The following ABCA1 variants were observed in gnomAD, a reference collection of about 807,000 sequenced individuals.
ABCA1 encodes the protein ATP binding cassette subfamily A member 1, also known as phospholipid-transporting ATPase ABCA1.
ABCA1 carries 133 observed loss-of-function variants against 262.5 expected under a neutral mutation model. The observed-to-expected ratio is 0.51, with a 90% CI of 0.44 to 0.59. ABCA1 has a LOEUF of 0.59. ABCA1 is among the 20% of genes least tolerant of loss of function. The probability of loss-of-function intolerance (pLI) is 0.00; values close to 1 mark genes in which losing one functional copy is unlikely to be tolerated. For missense variants in ABCA1, 2,452 were observed against 2,777.5 expected (o/e 0.88, Z 2.63); for synonymous variants, 1,022 against 1,043.5 (o/e 0.98, Z 0.40).
chr9:104,922,207 A>G (rs78880933), intron 1 of ABCA1, among the ~76,000 whole-genome samples: 3,096 of 152,308 alleles, frequency 0.02, 96 homozygotes, highest in African/African-American at 0.07. Flanking sequence ...TGAAGGCCCC[A>G]CCGGAAATCA....
chr9:104,829,065 T>A lies in ABCA1; in HGVS notation c.1966A>T (p.Ile656Phe). The A allele has an allele frequency of 6.2e-7, 1 of 1,614,184 alleles. No individual in the cohort carries two copies. Among genetic ancestry groups the A allele is most frequent in the Non-Finnish European group, 8.5e-7 (1 of 1,180,038 alleles). ...LAWIYSVAVI[I>F]KGIVYEKEAR... ...TCCTTCTCATACACGATGCCCTTGA[T>A]GATCACAGCCACTGAGTAAATCCAG... is the stretch of plus-strand genomic sequence containing the variant. Residue 656 changes from isoleucine (I) to phenylalanine (F), a missense_variant, in exon 15 of 50, where the codon ATC becomes TTC. By Grantham distance (21) the Ile-to-Phe change is conservative (BLOSUM62 0). Coordinates refer to ENST00000374736, the MANE Select transcript of ABCA1 (RefSeq NM_005502.4).
In ABCA1 at chr9:104,796,147, G is replaced by C; in HGVS notation, c.5288C>G (p.Pro1763Arg). Reference protein sequence around the residue: ...MYPASFVFKIPSTAYVVLTSV... With the variant: ...MYPASFVFKIRSTAYVVLTSV... ...GGTGAGCACCACATAGGCTGTGCTGGGGATCTTGAACACAAAGGAGGCTGG... is the reference window on the plus strand; with the variant it reads ...GGTGAGCACCACATAGGCTGTGCTGCGGATCTTGAACACAAAGGAGGCTGG... Residue 1763 changes from proline to arginine, a missense_variant, in exon 39 of 50, where the codon CCC becomes CGC. Around this residue, in one of 4 missense-constraint regions of ABCA1, gnomAD observed 752 missense variants for 944.5 expected, o/e 0.80. Coordinates refer to ENST00000374736, the MANE Select transcript of ABCA1 (RefSeq NM_005502.4). 1 of 1,614,054 alleles carries C rather than the reference G, an allele frequency of 6.2e-7. No individual in the cohort carries two copies. Among genetic ancestry groups the C allele is most frequent in the Non-Finnish European group, 8.5e-7 (1 of 1,180,026 alleles).
At chr9:104,927,090 A>G (rs773820062) in intron 1 of ABCA1, among the ~76,000 whole-genome samples, 22 of 151,994 alleles carry the variant, frequency 1.4e-4, no homozygotes, top group Non-Finnish European at 3.1e-4. Flanking sequence ...CGCGCCTGTA[A>G]TCCCAGCTAC....
chr9:104,886,706 G>A (rs974267240), intron 3 of ABCA1, among the ~76,000 whole-genome samples: 7 of 152,304 alleles, frequency 4.6e-5, no homozygotes, highest in Non-Finnish European at 7.3e-5. Flanking sequence ...TTCCTTGTAC[G>A]TTGTGCCCCA....
At chr9:104,855,489 G>C in intron 7 of ABCA1, 1 of 551,920 alleles carries the variant, frequency 1.8e-6, no homozygotes, top group Non-Finnish European at 2.9e-6. Context: ...ACAGATGTGA[G>C]CCACTGTGCC....
intron 3 of ABCA1, among the ~76,000 whole-genome samples, 164 bp downstream of exon 3, chr9:104,888,938 A>AGTTC: frequency 6.6e-6 from 1 of 152,346 alleles, no homozygotes; most frequent in East Asian, 1.9e-4. Flanking sequence ...CAGTCTCCTG[A>AGTTC]GTTCATGCCT....
rs1829898511 is a variant in ABCA1 at position 104,796,353 on chromosome 9, G to A, written c.5193C>T (p.Ser1731=). Residue 1731 remains serine, a synonymous_variant, in exon 38 of 50, where the codon TCC becomes TCT. Transcript: ENST00000374736. The stretch of plus-strand genomic sequence containing the variant: ...GGGCTAGCACAGGCAGATTGGTGGA[G>A]GACACATAGGACTTCTGCTGGAAGC... ...FICFQQKSYV[S]STNLPVLALL... 1.2e-6 allele frequency: 2 copies of A among 1,614,194 alleles called. No homozygotes were observed. The highest frequency in any genetic ancestry group is 1.7e-6 in the Non-Finnish European group (2 of 1,180,020).
intron 46 of ABCA1, chr9:104,787,707 G>A (rs1829048888): frequency 3.2e-6 from 1 of 313,276 alleles, no homozygotes. Flanking sequence ...CAAAGTGCTT[G>A]GAGTGCCTCT....
At chr9:104,785,216 A>G (rs537981544) in intron 49 of ABCA1, among the ~76,000 whole-genome samples, 180 bp downstream of exon 49, 1 of 152,330 alleles carries the variant, frequency 6.6e-6, no homozygotes, top group East Asian at 1.9e-4. Flanking sequence ...TATAGAGTAC[A>G]TAGGCATCAT....
intron 32 of ABCA1, 54 bp from the exon 33 acceptor site, chr9:104,803,370 C>G: frequency 6.5e-7 from 1 of 1,548,200 alleles, no homozygotes; most frequent in Non-Finnish European, 8.9e-7. Context: ...GAGCCTATTC[C>G]TAATGATGCA....
In ABCA1 at chr9:104,818,875, T is replaced by A; in HGVS notation, c.3250A>T (p.Ile1084Phe). 1.9e-6 allele frequency: 3 copies of A among 1,612,748 alleles called. No homozygotes were observed. The highest frequency in any genetic ancestry group is 2.5e-6 in the Non-Finnish European group (3 of 1,179,612). ...LLLKYRQGRT[I>F]ILSTHHMDEA... ...TCCATGTGGTGTGTAGAGAGAATAA[T>A]GGTGCGGCCTGCCAGGCACAAACAC... is the stretch of plus-strand genomic sequence containing the variant. The change falls in exon 23 of 50, where the codon ATT becomes TTT. Residue 1084 changes from isoleucine (I) to phenylalanine (F), a missense_variant. Physicochemically the swap from Ile to Phe is conservative, Grantham distance 21 (BLOSUM62 0). Transcript: ENST00000374736.
intron 4 of ABCA1, among the ~76,000 whole-genome samples, chr9:104,883,557 TA>T (rs1282073128): frequency 3.3e-5 from 5 of 152,228 alleles, no homozygotes; most frequent in Non-Finnish European, 7.3e-5. Flanking sequence ...AAAGCAGAAT[TA>T]AAAGTTAATA....
intron 8 of ABCA1, among the ~76,000 whole-genome samples, chr9:104,842,094 T>A (rs950027608): frequency 2.6e-5 from 4 of 152,140 alleles, no homozygotes; most frequent in African/African-American, 9.7e-5. Flanking sequence ...GTGAGTGGCG[T>A]GGTCCAGCAC....
chr9:104,792,719 T>C (rs1829533552), intron 42 of ABCA1, 67 bp downstream of exon 42: 2 of 1,610,554 alleles, frequency 1.2e-6, no homozygotes, highest in Non-Finnish European at 8.5e-7. Context: ...GTCAGCAAAC[T>C]GCTGGGTTAC....
At chr9:104,888,287 A>T (rs1839390278) in intron 3 of ABCA1, among the ~76,000 whole-genome samples, 1 of 152,102 alleles carries the variant, frequency 6.6e-6, no homozygotes, top group African/African-American at 2.4e-5. Context: ...GTGGTAGGAA[A>T]AATCACTAGG....
rs1462575538 is a variant in ABCA1, at chr9:104,821,464, G to A, written c.2871C>T (p.Ala957=). 3 of 1,613,960 alleles carry A rather than the reference G, an allele frequency of 1.9e-6. No individual in the cohort carries two copies. In the African/African-American group the frequency reaches 4.0e-5, roughly 22 times the overall value. Reference sequence around the variant, plus strand: ...AGCGAATGTCTTTTCCCAGGATGTAGGCGGTGCCCGAGGTCGGGGGGAACA... The same window carrying A: ...AGCGAATGTCTTTTCCCAGGATGTAAGCGGTGCCCGAGGTCGGGGGGAACA... The part of the protein sequence containing the change: ...TGLFPPTSGT[A]YILGKDIRSE... Residue 957 remains alanine, a synonymous_variant, in exon 20 of 50, where the codon GCC becomes GCT. Coordinates refer to ENST00000374736, the MANE Select transcript of ABCA1 (RefSeq NM_005502.4).
rs527697950 is a variant in ABCA1, at chr9:104,879,793, T to C, written c.421+3246A>G. Among the ~76,000 whole-genome samples, 9 of 152,156 alleles carry C rather than the reference T, an allele frequency of 5.9e-5. No homozygotes were observed. The East Asian group carries it at 1.7e-3, about 29-fold the overall frequency. On this transcript the variant is annotated intron_variant, in intron 5 of 49. Coordinates refer to ENST00000374736, the MANE Select transcript of ABCA1 (RefSeq NM_005502.4). ...GCACTCAGAACAAGGGAGGCAAAAA[T>C]CCCTTCCTCCTCTGTGCCAGAATAC...
At chr9:104,789,932 GA>G (rs1460011869) in intron 44 of ABCA1, among the ~76,000 whole-genome samples, 1 of 151,904 alleles carries the variant, frequency 6.6e-6, no homozygotes, top group Non-Finnish European at 1.5e-5. Context: ...CATCTCTACT[GA>G]AAATACAAAA....
intron 7 of ABCA1, chr9:104,855,802 C>T: frequency 6.3e-7 from 1 of 1,586,514 alleles, no homozygotes; most frequent in East Asian, 2.3e-5. Flanking sequence ...CATACTTTCC[C>T]CATGTTGCCA....
Sources: allele counts gnomAD v4.1 joint callset (sites outside exome capture counted in the v4.1 genomes callset), GRCh38; gene constraint gnomAD v4.1.1; regional missense constraint gnomAD v4.1.1; transcripts MANE v1.5; gene names NCBI Gene and HGNC (gene_info 2026-07-23, HGNC 2026-07-21).